The following MVK variants were observed in gnomAD, a reference collection of about 807,000 sequenced individuals.
MVK encodes mevalonate kinase, also known as LH receptor mRNA-binding protein.
MVK carries 34 observed loss-of-function variants against 43.2 expected under a neutral mutation model. The observed-to-expected ratio is 0.79, with a 90% CI of 0.60 to 1.05. The LOEUF (loss-of-function observed/expected upper bound fraction) is 1.05. Ranked by LOEUF, MVK falls within the 50% of genes least tolerant of loss-of-function variation. MVK has a pLI of 0.00. For synonymous variants in MVK, 190 were observed against 219.8 expected (o/e 0.86, Z 1.20); for missense variants, 395 against 504.0 (o/e 0.78, Z 2.07).
chr12:109,585,732 C>T (rs980948496), intron 5 of MVK, among the ~76,000 whole-genome samples: 3 of 151,992 alleles, frequency 2.0e-5, no homozygotes, highest in Admixed American at 2.0e-4. Flanking sequence ...TGCACTCCAG[C>T]CTGGGTGACA....
At chr12:109,591,742 T>C (rs1885693293) in intron 9 of MVK, among the ~76,000 whole-genome samples, 1 of 152,208 alleles carries the variant, frequency 6.6e-6, no homozygotes, top group South Asian at 2.1e-4. Context: ...ATTGCTAACT[T>C]CATGGGTGCA....
At position 109,580,091 on chromosome 12, in the gene MVK, G is replaced by A. The variant is rs1028513552; in HGVS notation, c.371+145G>A. 7 of 1,228,058 alleles carry A rather than the reference G, an allele frequency of 5.7e-6. No homozygotes were observed. In the Admixed American group the frequency reaches 7.7e-5, roughly 13 times the overall value. 76.1% of individuals were successfully genotyped at this position (1,228,058 alleles called of 1,614,324 possible). ...GTCCTCATCATGTGCCAGGCACCCTGCCAGGCACGGTATATATGGCGTGCC... is the reference window on the plus strand; with the variant it reads ...GTCCTCATCATGTGCCAGGCACCCTACCAGGCACGGTATATATGGCGTGCC... On this transcript the variant is annotated intron_variant, in intron 4 of 10. Transcript: ENST00000228510.
In MVK at chr12:109,597,922, TGA is replaced by T. The variant is rs1593034214; in HGVS notation, c.*1349_*1350del. On this transcript the variant is annotated 3_prime_UTR_variant, in exon 11 of 11. Transcript: ENST00000228510. ...TCCCTGCTGTTGTCTTCCTGCAGGGTGAGAGGAGCAGGAGCCGAGCTCCACCC... is the reference window on the plus strand; with the variant it reads ...TCCCTGCTGTTGTCTTCCTGCAGGGTGAGGAGCAGGAGCCGAGCTCCACCC... 6.6e-6 allele frequency: 1 copy of T among 151,920 alleles called. No homozygotes were observed. The highest frequency in any genetic ancestry group is 1.5e-5 in the Non-Finnish European group (1 of 68,026). The allele number at this position is 151,920 out of a possible 1,614,324, so 9.4% of individuals were successfully genotyped here.
At chr12:109,575,968 G>A in intron 2 of MVK, 30 bp from the exon 3 acceptor site, 1 of 1,613,788 alleles carries the variant, frequency 6.2e-7, no homozygotes. Flanking sequence ...CTCACCCTCA[G>A]GCTTATTGCT....
rs1178525841 is a variant in MVK, at chr12:109,586,128, A to G, written c.631+3A>G. ...GGACAATGCTGTCAGCACCTGGGGT[A>G]GGTGTGGCCTCAGGTTTATTTTATT... is the stretch of plus-strand genomic sequence containing the variant. On this transcript the variant is annotated splice_donor_region_variant and intron_variant, in intron 6 of 10. Coordinates refer to ENST00000228510, the MANE Select transcript of MVK (RefSeq NM_000431.4). 5.6e-6 allele frequency: 9 copies of G among 1,605,618 alleles called. No homozygotes were observed. Among genetic ancestry groups the G allele is most frequent in the East Asian group, 2.2e-5 (1 of 44,870 alleles).
upstream of MVK, chr12:109,573,444 C>G (rs1884743370): frequency 2.5e-6 from 4 of 1,606,784 alleles, no homozygotes; most frequent in Non-Finnish European, 3.4e-6. Flanking sequence ...AGACGGCTCC[C>G]CAGGCCAAGA....
intron 9 of MVK, among the ~76,000 whole-genome samples, chr12:109,592,160 CTT>C (rs1397966769): frequency 6.6e-6 from 1 of 152,230 alleles, no homozygotes; most frequent in Non-Finnish European, 1.5e-5. Flanking sequence ...AGGAGGATCA[CTT>C]GAGCCCAGGA....
At chr12:109,591,401 A>G in intron 9 of MVK, 44 bp downstream of exon 9, 1 of 1,566,126 alleles carries the variant, frequency 6.4e-7, no homozygotes, top group East Asian at 2.2e-5. Flanking sequence ...AGTCCACACC[A>G]CTGTCCAAGG....
chr12:109,580,969 A>T (rs1480876218), intron 4 of MVK, among the ~76,000 whole-genome samples: 1 of 152,120 alleles, frequency 6.6e-6, no homozygotes, highest in Non-Finnish European at 1.5e-5. Context: ...GGAAAGTGTC[A>T]CAGTGGAAGC....
intron 2 of MVK, among the ~76,000 whole-genome samples, chr12:109,575,583 C>T (rs1030578055): frequency 6.6e-6 from 1 of 152,052 alleles, no homozygotes; most frequent in Admixed American, 6.6e-5. Context: ...TCTGTAGAGA[C>T]GTGGTCTGAC....
intron 10 of MVK, 130 bp from the exon 11 acceptor site, chr12:109,596,295 TG>T: frequency 7.5e-7 from 1 of 1,329,468 alleles, no homozygotes; most frequent in Non-Finnish European, 1.0e-6. Context: ...TTGGGCTTTA[TG>T]GCCTGTTGGC....
chr12:109,583,076 G>A (rs1885294759), intron 5 of MVK, among the ~76,000 whole-genome samples: 1 of 137,812 alleles, frequency 7.3e-6, no homozygotes, highest in African/African-American at 2.9e-5. Context: ...AGGTAGCTCT[G>A]GATCCTTGGT....
intron 5 of MVK, among the ~76,000 whole-genome samples, chr12:109,584,290 G>T (rs181691529): frequency 6.6e-5 from 10 of 152,144 alleles, no homozygotes; most frequent in Admixed American, 1.3e-4. Context: ...TGCCAAGTCC[G>T]TAAAAATCCT....
chr12:109,587,964 G>GCCCCGGCCTGT (rs1885513215), intron 7 of MVK: 1 of 152,272 alleles, frequency 6.6e-6, no homozygotes, highest in African/African-American at 2.4e-5. Context: ...TCCAGACATT[G>GCCCCGGCCTGT]CTTAGTGTCC....
At position 109,590,751 on chromosome 12, in the gene MVK, GCCT is replaced by G. The variant is rs1214388770; in HGVS notation, c.678-15_678-13del. Reference sequence around the variant, plus strand: ...TCCATCTTGAGTTCAGTGTGGACCTGCCTCCTCTTCACCCTGCAGGTCGCCAGC... The same window carrying G: ...TCCATCTTGAGTTCAGTGTGGACCTGCCTCTTCACCCTGCAGGTCGCCAGC... On this transcript the variant is annotated splice_polypyrimidine_tract_variant and intron_variant, in intron 7 of 10. Coordinates refer to ENST00000228510, the MANE Select transcript of MVK (RefSeq NM_000431.4). 8 of 1,612,136 alleles carry G rather than the reference GCCT, an allele frequency of 5.0e-6. No individual in the cohort carries two copies. The highest frequency in any genetic ancestry group is 6.8e-6 in the Non-Finnish European group (8 of 1,178,518).
At chr12:109,591,428 T>C (rs1885678934) in intron 9 of MVK, 71 bp downstream of exon 9, 2 of 1,444,756 alleles carry the variant, frequency 1.4e-6, no homozygotes, top group Non-Finnish European at 1.9e-6. Context: ...CTCTGCAATC[T>C]GGCTGTGCTC....
In MVK at chr12:109,581,407, C is replaced by T. The variant is rs989171103; in HGVS notation, c.384C>T (p.Ser128=). Residue 128 remains serine (S), a synonymous_variant, in exon 5 of 11, where the codon AGC becomes AGT. Coordinates refer to ENST00000228510, the MANE Select transcript of MVK (RefSeq NM_000431.4). ...TGGTGTGTTTCAGGGCCCTGCCGAGCCTGGATATCGTAGTGTGGTCGGAGC... is the reference window on the plus strand; with the variant it reads ...TGGTGTGTTTCAGGGCCCTGCCGAGTCTGGATATCGTAGTGTGGTCGGAGC... ...SICRKQRALP[S]LDIVVWSELP... 65 of 1,613,930 alleles carry T rather than the reference C, an allele frequency of 4.0e-5. No individual in the cohort carries two copies. The East Asian group carries it at 1.4e-3, about 34-fold the overall frequency.
intron 9 of MVK, among the ~76,000 whole-genome samples, chr12:109,593,294 G>C (rs72648036): frequency 6.6e-6 from 1 of 152,262 alleles, no homozygotes; most frequent in Non-Finnish European, 1.5e-5. Context: ...TGAGCTTGGC[G>C]CAGAGCGAGG....
At chr12:109,573,393 G>T, upstream of MVK, 1 of 1,612,352 alleles carries the variant, frequency 6.2e-7, no homozygotes, top group Non-Finnish European at 8.5e-7. Flanking sequence ...TGGAAACGGG[G>T]ATACAGGAGC....
Sources: gnomAD v4.1 joint callset for allele counts (sites outside exome capture counted in the v4.1 genomes callset) on GRCh38, gnomAD v4.1.1 for gene constraint, MANE v1.5 for transcripts, NCBI Gene and HGNC (gene_info 2026-07-23, HGNC 2026-07-21) for gene names.